Variants in NPSR1 observed in about 807,000 individuals in gnomAD.
NPSR1 encodes the protein neuropeptide S receptor 1.
A neutral mutation model predicts 46.9 loss-of-function variants in NPSR1; 48 were observed. That is an observed-to-expected ratio of 1.02 (90% CI 0.81 to 1.30). NPSR1 has a LOEUF of 1.30. NPSR1 is among the 50% of genes most tolerant of loss of function. The probability of loss-of-function intolerance (pLI) is 0.00; values close to 1 mark genes in which losing one functional copy is unlikely to be tolerated. For missense variants in NPSR1, 450 were observed against 449.5 expected, an observed-to-expected ratio of 1.00 and a Z score of -0.01; for synonymous variants, 176 against 168.1, an observed-to-expected ratio of 1.05 and a Z score of -0.36.
intron 2 of NPSR1, among the ~76,000 whole-genome samples, chr7:34,748,226 G>C (rs1357483675): frequency 6.6e-6 from 1 of 152,214 alleles, no homozygotes; most frequent in Non-Finnish European, 1.5e-5. Flanking sequence ...GTGTTAGCCT[G>C]GTAATGGAGA....
At chr7:34,668,292 T>G (rs1440061604) in intron 1 of NPSR1, among the ~76,000 whole-genome samples, 1 of 152,022 alleles carries the variant, frequency 6.6e-6, no homozygotes, top group Non-Finnish European at 1.5e-5. Flanking sequence ...CACGTATTAT[T>G]GTAGACTCTA....
At chr7:34,689,604 C>CAAAAAAAAAAAAAAAAAAAAAAA (rs869170591) in intron 2 of NPSR1, among the ~76,000 whole-genome samples, 10 of 36,676 alleles carry the variant, frequency 2.7e-4, no homozygotes, top group East Asian at 8.2e-4. Context: ...GACTCTGTCT[C>CAAAAAAAAAAAAAAAAAAAAAAA]AAAAAAAAAA....
chr7:34,686,624 G>A (rs1792941477), intron 2 of NPSR1, among the ~76,000 whole-genome samples: 3 of 151,960 alleles, frequency 2.0e-5, no homozygotes, highest in Admixed American at 6.6e-5. Context: ...TTTGCTTCTT[G>A]CTTCCTCCTT....
intron 3 of NPSR1, among the ~76,000 whole-genome samples, chr7:34,796,169 G>T (rs1006400810): frequency 1.3e-5 from 2 of 152,050 alleles, no homozygotes; most frequent in Admixed American, 1.3e-4. Context: ...AACAAATGGT[G>T]CTGAAACAAG....
intron 8 of NPSR1, among the ~76,000 whole-genome samples, chr7:34,865,273 C>T (rs1211374827): frequency 1.3e-5 from 2 of 151,836 alleles, no homozygotes; most frequent in African/African-American, 4.9e-5. Flanking sequence ...GTTAGCCTAT[C>T]CTGCCTGATA....
intron 3 of NPSR1, among the ~76,000 whole-genome samples, chr7:34,791,692 T>A (rs1466944529): frequency 6.6e-6 from 1 of 151,642 alleles, no homozygotes; most frequent in African/African-American, 2.4e-5. Context: ...TTACAGAAAT[T>A]AAAAAAAATC....
At chr7:34,870,743 A>G (rs1160102144) in intron 8 of NPSR1, among the ~76,000 whole-genome samples, 1 of 151,810 alleles carries the variant, frequency 6.6e-6, no homozygotes, top group Admixed American at 6.5e-5. Context: ...CTGGGAATTT[A>G]TGAAAATCTT....
intron 2 of NPSR1, chr7:34,751,815 C>A (rs1450090598): frequency 4.4e-6 from 7 of 1,587,166 alleles, no homozygotes; most frequent in Non-Finnish European, 5.2e-6. Context: ...CTGTGGGACT[C>A]TCTGCCAGTT....
At chr7:34,760,621 G>A (rs904353749) in intron 2 of NPSR1, among the ~76,000 whole-genome samples, 3 of 152,038 alleles carry the variant, frequency 2.0e-5, no homozygotes, top group African/African-American at 7.2e-5. Flanking sequence ...AACTGCAGAG[G>A]AAAAAAGTCA....
intron 3 of NPSR1, among the ~76,000 whole-genome samples, chr7:34,795,619 C>G (rs1788137530): frequency 6.6e-6 from 1 of 151,914 alleles, no homozygotes; most frequent in Non-Finnish European, 1.5e-5. Flanking sequence ...CCGCAATAAA[C>G]AAGTATAATT....
At chr7:34,772,987 T>C (rs1019635051) in intron 2 of NPSR1, among the ~76,000 whole-genome samples, 1 of 152,078 alleles carries the variant, frequency 6.6e-6, no homozygotes, top group African/African-American at 2.4e-5. Context: ...AATGGTACCT[T>C]TGCTATGTTC....
intron 2 of NPSR1, among the ~76,000 whole-genome samples, chr7:34,775,627 T>G (rs1786918707): frequency 6.6e-6 from 1 of 152,140 alleles, no homozygotes; most frequent in Non-Finnish European, 1.5e-5. Flanking sequence ...TCTCTCTTCT[T>G]TATTAGTCTG....
Position 34,834,827 on chromosome 7 carries a change from T to C in NPSR1, c.757+367T>C, listed in dbSNP as rs751850786. 3.3e-4 allele frequency among the ~76,000 whole-genome samples: 50 copies of C among 152,256 alleles called. 1 individual carries two copies. The highest frequency in any genetic ancestry group is 9.8e-4 in the Admixed American group (15 of 15,290). On this transcript the variant is annotated intron_variant, in intron 6 of 8. Transcript: ENST00000360581. ...GAGGACATCACACCTTCAGCAAAGA[T>C]GAGCATAGGCTTTTCTGATTGGCTT...
intron 3 of NPSR1, among the ~76,000 whole-genome samples, chr7:34,806,227 T>C (rs967554891): frequency 9.9e-5 from 15 of 152,124 alleles, no homozygotes; most frequent in South Asian, 2.1e-4. Flanking sequence ...AGAATGTTTA[T>C]TGTAGCTTTA....
At chr7:34,761,893 G>A (rs1786191442) in intron 2 of NPSR1, among the ~76,000 whole-genome samples, 1 of 152,166 alleles carries the variant, frequency 6.6e-6, no homozygotes, top group Non-Finnish European at 1.5e-5. Context: ...AGAAATAGTG[G>A]AGGCTCAATG....
At chr7:34,708,244 C>G (rs191997338) in intron 2 of NPSR1, among the ~76,000 whole-genome samples, 1 of 152,278 alleles carries the variant, frequency 6.6e-6, no homozygotes, top group East Asian at 1.9e-4. Flanking sequence ...GTGATTTCTG[C>G]AAGTTTTATT....
intron 3 of NPSR1, among the ~76,000 whole-genome samples, chr7:34,790,703 CTA>C (rs1238212916): frequency 2.2e-4 from 20 of 89,370 alleles, no homozygotes; most frequent in East Asian, 1.4e-3. Context: ...AATATATGTT[CTA>C]TGTTATATAT....
chr7:34,875,742 T>A (rs544135378), intron 8 of NPSR1, among the ~76,000 whole-genome samples: 1 of 152,278 alleles, frequency 6.6e-6, no homozygotes, highest in African/African-American at 2.4e-5. Flanking sequence ...GGGGCTCCTA[T>A]CTGCATTTGG....
chr7:34,878,052 C>G (rs28699135), intron 8 of NPSR1: 1 of 1,469,706 alleles, frequency 6.8e-7, no homozygotes, highest in African/African-American at 1.4e-5. Context: ...CTATACATTT[C>G]AATAAGCCTT....
Sources: allele counts gnomAD v4.1 joint callset (sites outside exome capture counted in the v4.1 genomes callset), GRCh38; gene constraint gnomAD v4.1.1; transcripts MANE v1.5; gene names NCBI Gene and HGNC (gene_info 2026-07-23, HGNC 2026-07-21).